ATP13A4: variants seen among roughly 807,000 people sequenced by gnomAD.
ATP13A4 encodes the protein ATPase 13A4.
ATP13A4 carries 114 observed loss-of-function variants against 142.5 expected under a neutral mutation model. The ratio of observed to expected loss-of-function variants is 0.80; its 90% confidence interval spans 0.69 to 0.93. ATP13A4 has a LOEUF of 0.93. Ranked by LOEUF, ATP13A4 falls within the 40% of genes least tolerant of loss-of-function variation. ATP13A4 has a pLI of 0.00. For synonymous variants in ATP13A4, 488 were observed against 514.8 expected, an observed-to-expected ratio of 0.95 and a Z score of 0.70; for missense variants, 1,392 against 1,454.0, an observed-to-expected ratio of 0.96 and a Z score of 0.69.
At chr3:193,405,156 G>C (rs375832937) in intron 29 of ATP13A4, among the ~76,000 whole-genome samples, 1 of 152,176 alleles carries the variant, frequency 6.6e-6, no homozygotes. Context: ...CACCCACGTA[G>C]ATTACCCCGA....
chr3:193,451,875 C>G (rs1263752193), intron 17 of ATP13A4, among the ~76,000 whole-genome samples: 1 of 152,134 alleles, frequency 6.6e-6, no homozygotes, highest in African/African-American at 2.4e-5. Flanking sequence ...ATTAATTTAG[C>G]TGTGTGTATG....
intron 3 of ATP13A4, among the ~76,000 whole-genome samples, chr3:193,501,532 G>A (rs1720538552): frequency 6.7e-6 from 1 of 150,232 alleles, no homozygotes; most frequent in African/African-American, 2.5e-5. Context: ...AGGTTGCAGT[G>A]AGCCAAGACA....
At chr3:193,462,621 A>C (rs990338284) in intron 13 of ATP13A4, 141 bp downstream of exon 13, 5 of 765,620 alleles carry the variant, frequency 6.5e-6, no homozygotes, top group Non-Finnish European at 1.1e-5. Flanking sequence ...AAAGATGAGA[A>C]GTTAAAAGAA....
chr3:193,457,258 G>A, intron 15 of ATP13A4, 105 bp from the exon 16 acceptor site: 2 of 1,574,184 alleles, frequency 1.3e-6, no homozygotes, highest in East Asian at 2.2e-5. Context: ...TAAGGGGGAA[G>A]GTCTCACCCA....
chr3:193,530,774 C>T (rs929869382), intron 1 of ATP13A4, among the ~76,000 whole-genome samples: 10 of 152,236 alleles, frequency 6.6e-5, no homozygotes, highest in African/African-American at 2.4e-4. Flanking sequence ...TTGCTAATGT[C>T]CAGGAACTTC....
intron 11 of ATP13A4, 125 bp downstream of exon 11, chr3:193,465,900 G>A: frequency 5.5e-6 from 6 of 1,093,062 alleles, no homozygotes; most frequent in South Asian, 5.2e-5. Flanking sequence ...CTATACGTAG[G>A]CATCAGTGCT....
At chr3:193,436,474 A>G (rs894051142) in intron 23 of ATP13A4, among the ~76,000 whole-genome samples, 2 of 151,730 alleles carry the variant, frequency 1.3e-5, no homozygotes, top group East Asian at 2.0e-4. Flanking sequence ...TTTTGTCAGA[A>G]TCTTGCTTAG....
chr3:193,407,781 G>A (rs1028820787), intron 28 of ATP13A4, among the ~76,000 whole-genome samples: 3 of 152,210 alleles, frequency 2.0e-5, no homozygotes, highest in Non-Finnish European at 4.4e-5. Context: ...AGGGAGGCAG[G>A]AATGTGGCTT....
At chr3:193,445,003 C>G (rs1716861416) in intron 18 of ATP13A4, among the ~76,000 whole-genome samples, 1 of 152,180 alleles carries the variant, frequency 6.6e-6, no homozygotes, top group Non-Finnish European at 1.5e-5. Flanking sequence ...GGCCTGAGCT[C>G]CAATCATCTG....
At chr3:193,517,419 G>A (rs746333719) in intron 1 of ATP13A4, among the ~76,000 whole-genome samples, 2 of 152,246 alleles carry the variant, frequency 1.3e-5, no homozygotes, top group Non-Finnish European at 1.5e-5. Context: ...GACAACAGGA[G>A]TAGGTGGGTG....
intron 25 of ATP13A4, among the ~76,000 whole-genome samples, chr3:193,418,319 A>G (rs1184655938): frequency 2.7e-5 from 4 of 147,458 alleles, no homozygotes; most frequent in Non-Finnish European, 6.0e-5. Flanking sequence ...TCCATCTCAA[A>G]AAAAAAAAAA....
chr3:193,461,578 GT>G (rs1257131367), intron 13 of ATP13A4, among the ~76,000 whole-genome samples: 1 of 152,156 alleles, frequency 6.6e-6, no homozygotes, highest in East Asian at 1.9e-4. Flanking sequence ...AATTAGACTT[GT>G]TTCTAGATAG....
At chr3:193,488,095 C>A (rs1039294770) in intron 7 of ATP13A4, among the ~76,000 whole-genome samples, 3 of 152,126 alleles carry the variant, frequency 2.0e-5, no homozygotes, top group South Asian at 4.1e-4. Flanking sequence ...GAAACACCGT[C>A]TCGACTAAAA....
At chr3:193,472,751 T>C (rs192337669) in intron 8 of ATP13A4, among the ~76,000 whole-genome samples, 293 of 152,270 alleles carry the variant, frequency 1.9e-3, no homozygotes, top group Non-Finnish European at 3.0e-3. Context: ...GTACTACCCA[T>C]GGTTTCAGGC....
chr3:193,548,896 A>G (rs1460478694), intron 1 of ATP13A4, among the ~76,000 whole-genome samples: 1 of 152,188 alleles, frequency 6.6e-6, no homozygotes, highest in African/African-American at 2.4e-5. Context: ...TTAGTTACCC[A>G]CTACTGGTTG....
chr3:193,545,899 G>GA (rs890869996), intron 1 of ATP13A4, among the ~76,000 whole-genome samples: 33 of 147,558 alleles, frequency 2.2e-4, no homozygotes, highest in African/African-American at 5.0e-4. Flanking sequence ...ACAGCACTTT[G>GA]AAAAAAAAAT....
chr3:193,414,713 G>C lies in ATP13A4; in HGVS notation c.2880C>G (p.Phe960Leu). ...GAGAGATCAGCCGTCCTGCAGGTCTGAAAGGCACCAGCTTAGGGTAGGCAC... is the reference window on the plus strand; with the variant it reads ...GAGAGATCAGCCGTCCTGCAGGTCTCAAAGGCACCAGCTTAGGGTAGGCAC... Reference protein sequence around the residue: ...LNGAYPKLVPFRPAGRLISPP... With the variant: ...LNGAYPKLVPLRPAGRLISPP... Residue 960 changes from phenylalanine (F) to leucine (L), a missense_variant, in exon 26 of 30, where the codon TTC (phenylalanine) becomes TTG (leucine). Phe to Leu is a conservative substitution (Grantham distance 22). Transcript: ENST00000342695. 1 of 1,614,150 alleles carries C rather than the reference G, an allele frequency of 6.2e-7. No individual in the cohort carries two copies.
At chr3:193,509,705 CCCT>C (rs1721041407) in intron 2 of ATP13A4, among the ~76,000 whole-genome samples, 1 of 152,174 alleles carries the variant, frequency 6.6e-6, no homozygotes, top group Non-Finnish European at 1.5e-5. Flanking sequence ...GCAATTAACT[CCCT>C]CCCTTCTGAA....
chr3:193,410,136 G>T (rs1313667432), intron 28 of ATP13A4, among the ~76,000 whole-genome samples: 1 of 152,152 alleles, frequency 6.6e-6, no homozygotes, highest in Non-Finnish European at 1.5e-5. Flanking sequence ...TAAACTTTTG[G>T]TATCTTGTAG....
Sources: allele counts gnomAD v4.1 joint callset (sites outside exome capture counted in the v4.1 genomes callset), GRCh38; gene constraint gnomAD v4.1.1; transcripts MANE v1.5; gene names NCBI Gene and HGNC (gene_info 2026-07-23, HGNC 2026-07-21).